PAK3: variants seen among roughly 807,000 people sequenced by gnomAD.
PAK3 encodes the protein serine/threonine-protein kinase PAK 3.
Under a neutral mutation model 41.0 loss-of-function variants are expected in PAK3, and 4 were observed. The observed-to-expected ratio is 0.10, with a 90% CI of 0.05 to 0.22. PAK3 has a LOEUF of 0.22. Among genes scored for constraint, PAK3 ranks in the 10% least tolerant of loss-of-function variants. PAK3 has a pLI of 1.00. For missense variants in PAK3, 205 were observed against 409.9 expected (o/e 0.50, Z 4.32); for synonymous variants, 146 against 139.6 (o/e 1.05, Z -0.32).
At chrX:111,041,472 T>A (rs1267050792) in intron 1 of PAK3, among the ~76,000 whole-genome samples, 3 of 112,229 alleles carry the variant, frequency 2.7e-5, no homozygotes, top group African/African-American at 9.7e-5. Context: ...ACTCCTTCAC[T>A]GTGCCACCCC....
chrX:111,061,958 G>A (rs765652900), intron 1 of PAK3, among the ~76,000 whole-genome samples: 8 of 109,974 alleles, frequency 7.3e-5, no homozygotes, highest in Non-Finnish European at 1.5e-4. Flanking sequence ...GGGACTACAG[G>A]CACCCACCAT....
rs778272882 is a variant in PAK3 at position 111,196,463 on chromosome X, C to T, written c.1230C>T (p.Ala410=). ...CTGCAGCTGACTTTGGGTTCTGTGC[C>T]CAGATCACTCCTGAGCAAAGTAAAC... ...SVKLTDFGFC[A]QITPEQSKRS... Residue 410 remains alanine, a synonymous_variant, in exon 16 of 18, where the codon GCC becomes GCT. Coordinates refer to ENST00000372007, the MANE Select transcript of PAK3 (RefSeq NM_002578.5). 3.3e-6 allele frequency: 4 copies of T among 1,207,009 alleles called. No individual in the cohort carries two copies. Among genetic ancestry groups the T allele is most frequent in the Non-Finnish European group, 4.5e-6 (4 of 892,590 alleles).
chrX:111,047,014 A>T (rs1267943202), intron 1 of PAK3, among the ~76,000 whole-genome samples: 1 of 112,050 alleles, frequency 8.9e-6, no homozygotes, highest in Non-Finnish European at 1.9e-5. Flanking sequence ...CTCCCAGTGG[A>T]TGAGAGAAAG....
Position 111,222,741 on chromosome X carries a change from C to G in PAK3, c.*2294C>G, listed in dbSNP as rs2094934449. The G allele has an allele frequency of 9.0e-6, 1 of 111,093 alleles. No homozygotes were observed. Among genetic ancestry groups the G allele is most frequent in the African/African-American group, 3.3e-5 (1 of 30,514 alleles). 9.2% of individuals were successfully genotyped at this position (111,093 alleles called of 1,213,427 possible). ...AAGCCCTATTCATTAGTTAGCATCC[C>G]TTACATGTTGAGAAGGCCTTTTTTT... On this transcript the variant is annotated 3_prime_UTR_variant, in exon 18 of 18. Coordinates refer to ENST00000372007, the MANE Select transcript of PAK3 (RefSeq NM_002578.5).
At chrX:111,105,015 T>C (rs1336689663) in intron 4 of PAK3, among the ~76,000 whole-genome samples, 2 of 111,556 alleles carry the variant, frequency 1.8e-5, no homozygotes, top group African/African-American at 6.5e-5. Context: ...TCTTGTACTC[T>C]TGTACATTCA....
rs1363057806 is a variant in PAK3 at position 111,007,123 on chromosome X, G to A, written c.-28+62495G>A. Among the ~76,000 whole-genome samples, 3 of 110,197 alleles carry A rather than the reference G, an allele frequency of 2.7e-5. No homozygotes were observed. The Admixed American group carries it at 2.9e-4, about 11-fold the overall frequency. ...GAATTACCCCACCATAAATTTGTCA[G>A]TCAGTAAACAAGTATTTTGGAACTG... is the stretch of plus-strand genomic sequence containing the variant. On this transcript the variant is annotated intron_variant, in intron 1 of 14. Transcript: ENST00000425146.
At position 111,152,456 on chromosome X, in the gene PAK3, A is replaced by G; in HGVS notation, c.468+9A>G. ...TAGCAGCCCATCCTTCGGTAAGTGA[A>G]AAATTGAAAACTGTTTCACATGATT... On this transcript the variant is annotated intron_variant, in intron 8 of 17. Transcript: ENST00000372007. 1 of 1,130,562 alleles carries G rather than the reference A, an allele frequency of 8.8e-7. No individual in the cohort carries two copies. The highest frequency in any genetic ancestry group is 1.2e-6 in the Non-Finnish European group (1 of 821,903). 93.2% of individuals were successfully genotyped at this position (1,130,562 alleles called of 1,213,427 possible). A position where few individuals can be genotyped will look rare whatever the true frequency, so the allele number is the denominator to read the frequency against.
At chrX:111,110,006 G>T (rs759057813) in intron 4 of PAK3, among the ~76,000 whole-genome samples, 5 of 112,273 alleles carry the variant, frequency 4.5e-5, no homozygotes, top group Non-Finnish European at 9.4e-5. Flanking sequence ...CTTAATGAAT[G>T]TGCTTCTTCA....
intron 1 of PAK3, among the ~76,000 whole-genome samples, chrX:110,954,840 C>T (rs1233544887): frequency 9.0e-6 from 1 of 111,287 alleles, no homozygotes; most frequent in Non-Finnish European, 1.9e-5. Context: ...GTGGAACATA[C>T]TTTTTGTTTT....
intron 4 of PAK3, among the ~76,000 whole-genome samples, chrX:111,104,473 C>T (rs2148909122): frequency 8.9e-6 from 1 of 111,944 alleles, no homozygotes; most frequent in East Asian, 2.8e-4. Context: ...GAAAGGGAAG[C>T]TCCAGAGTTT....
intron 1 of PAK3, among the ~76,000 whole-genome samples, chrX:111,008,065 C>T (rs1424375735): frequency 8.9e-6 from 1 of 112,169 alleles, no homozygotes; most frequent in Non-Finnish European, 1.9e-5. Context: ...ATAGCGAGTA[C>T]AGCAAGTGCT....
At chrX:111,070,647 T>A (rs2092736446) in intron 1 of PAK3, among the ~76,000 whole-genome samples, 1 of 112,070 alleles carries the variant, frequency 8.9e-6, no homozygotes, top group Non-Finnish European at 1.9e-5. Flanking sequence ...CTCTTAGAAC[T>A]GGAAGGGACT....
intron 1 of PAK3, among the ~76,000 whole-genome samples, chrX:110,979,190 G>A (rs1189536829): frequency 9.2e-6 from 1 of 108,824 alleles, no homozygotes; most frequent in Non-Finnish European, 1.9e-5. Flanking sequence ...TTGGTAATTT[G>A]TGTCTTCTCT....
intron 6 of PAK3, among the ~76,000 whole-genome samples, chrX:111,143,237 A>C (rs2149095679): frequency 9.0e-6 from 1 of 111,586 alleles, no homozygotes; most frequent in Non-Finnish European, 1.9e-5. Flanking sequence ...ATAACATAGT[A>C]GTGAATAGAC....
intron 1 of PAK3, among the ~76,000 whole-genome samples, chrX:111,069,103 G>T (rs2092722973): frequency 8.9e-6 from 1 of 111,839 alleles, no homozygotes; most frequent in African/African-American, 3.3e-5. Context: ...TGTGAGAAAT[G>T]AGACTTAATG....
intron 6 of PAK3, among the ~76,000 whole-genome samples, chrX:111,146,938 A>G (rs1456637642): frequency 1.8e-5 from 2 of 111,596 alleles, no homozygotes; most frequent in Non-Finnish European, 3.8e-5. Flanking sequence ...ATTTCCAAAT[A>G]TTCCCTCCTC....
chrX:111,099,093 A>G (rs1035846032), intron 3 of PAK3, among the ~76,000 whole-genome samples: 1 of 112,267 alleles, frequency 8.9e-6, no homozygotes, highest in Non-Finnish European at 1.9e-5. Context: ...ATCAAATAAT[A>G]GCCACACATT....
intron 1 of PAK3, among the ~76,000 whole-genome samples, chrX:111,008,944 G>C (rs1454967523): frequency 9.0e-6 from 1 of 111,059 alleles, no homozygotes. Context: ...CCCATGAAAG[G>C]CTCTTTGAAC....
intron 8 of PAK3, among the ~76,000 whole-genome samples, chrX:111,157,588 C>T (rs1447484779): frequency 3.6e-5 from 4 of 110,216 alleles, no homozygotes; most frequent in Admixed American, 9.7e-5. Context: ...GTCAGGAGTT[C>T]GAGACCAGCC....
Sources: gnomAD v4.1 joint callset for allele counts (sites outside exome capture counted in the v4.1 genomes callset) on GRCh38, gnomAD v4.1.1 for gene constraint, MANE v1.5 for transcripts, NCBI Gene and HGNC (gene_info 2026-07-23, HGNC 2026-07-21) for gene names.